Variants in GTF2E1 observed in about 807,000 individuals in gnomAD.
GTF2E1 encodes the protein general transcription factor IIE subunit 1.
Under a neutral mutation model 34.9 loss-of-function variants are expected in GTF2E1, and 14 were observed. The observed-to-expected ratio is 0.40, with a 90% CI of 0.27 to 0.63. GTF2E1 has a LOEUF of 0.63. Among genes scored for constraint, GTF2E1 ranks in the 20% least tolerant of loss-of-function variants. The probability of loss-of-function intolerance (pLI) is 0.39; values close to 1 mark genes in which losing one functional copy is unlikely to be tolerated. For synonymous variants in GTF2E1, 188 were observed against 192.9 expected (o/e 0.97, Z 0.21); for missense variants, 469 against 557.7 (o/e 0.84, Z 1.60).
In GTF2E1 at chr3:120,747,967, T is replaced by C. The variant is rs930196478; in HGVS notation, c.-30-2556T>C. ...CTAACTGGTGTGAGATGGTATCTCATTGTGGTTTTGATTTGCATTTCTCTG... is the reference window on the plus strand; with the variant it reads ...CTAACTGGTGTGAGATGGTATCTCACTGTGGTTTTGATTTGCATTTCTCTG... On this transcript the variant is annotated intron_variant, in intron 1 of 4. Transcript: ENST00000283875. 1.8e-4 allele frequency among the ~76,000 whole-genome samples: 28 copies of C among 152,176 alleles called. 1 individual carries two copies. The highest frequency in any genetic ancestry group is 1.5e-3 in the South Asian group (7 of 4,826).
At chr3:120,776,724 T>G in intron 4 of GTF2E1, 60 bp downstream of exon 4, 3 of 1,493,682 alleles carry the variant, frequency 2.0e-6, no homozygotes, top group Non-Finnish European at 2.7e-6. Flanking sequence ...TGAACTTGGC[T>G]TAGTGGGAAA....
chr3:120,776,403 C>T lies in GTF2E1; in HGVS notation c.651-20C>T. On this transcript the variant is annotated intron_variant, in intron 3 of 4. Transcript: ENST00000283875. ...CATTAATTTTTCTTCTTCCTGTACT[C>T]CTCTATTCTTTTTATATAGCAAGGA... is the stretch of plus-strand genomic sequence containing the variant. 6.2e-7 allele frequency: 1 copy of T among 1,604,430 alleles called. No individual in the cohort carries two copies. Among genetic ancestry groups the T allele is most frequent in the Non-Finnish European group, 8.5e-7 (1 of 1,176,816 alleles).
chr3:120,771,376 A>G (rs1432742557), intron 3 of GTF2E1, among the ~76,000 whole-genome samples: 1 of 152,154 alleles, frequency 6.6e-6, no homozygotes, highest in African/African-American at 2.4e-5. Flanking sequence ...CCTTGAAAGT[A>G]AAGTATAGCT....
At chr3:120,748,089 A>T (rs1265390974) in intron 1 of GTF2E1, among the ~76,000 whole-genome samples, 1 of 151,664 alleles carries the variant, frequency 6.6e-6, no homozygotes, top group East Asian at 1.9e-4. Context: ...CCACTTTTTG[A>T]TGGGGTTGTT....
intron 4 of GTF2E1, among the ~76,000 whole-genome samples, chr3:120,778,837 A>G (rs1709422645): frequency 6.6e-6 from 1 of 152,124 alleles, no homozygotes; most frequent in Non-Finnish European, 1.5e-5. Flanking sequence ...CATATCTTTC[A>G]GTATATTTTA....
intron 2 of GTF2E1, among the ~76,000 whole-genome samples, chr3:120,760,753 C>G (rs1709253162): frequency 1.3e-5 from 2 of 152,114 alleles, no homozygotes; most frequent in African/African-American, 2.4e-5. Flanking sequence ...GTTGAACCAG[C>G]CTTGCATCCC....
chr3:120,780,082 G>A (rs1374479092), intron 4 of GTF2E1, among the ~76,000 whole-genome samples: 5 of 152,150 alleles, frequency 3.3e-5, no homozygotes, highest in Non-Finnish European at 7.4e-5. Context: ...AGAGTTTTAA[G>A]TATGCTTAGT....
intron 1 of GTF2E1, 113 bp from the exon 2 acceptor site, chr3:120,750,410 G>A: frequency 1.6e-6 from 1 of 644,808 alleles, no homozygotes; most frequent in Non-Finnish European, 2.7e-6. Context: ...TAAATGCTTA[G>A]GTATTAGAAA....
intron 1 of GTF2E1, among the ~76,000 whole-genome samples, chr3:120,747,450 A>G (rs1709117008): frequency 6.6e-6 from 1 of 151,970 alleles, no homozygotes; most frequent in Admixed American, 6.6e-5. Context: ...TCCTGTGTCC[A>G]TGTGTTCTCA....
intron 3 of GTF2E1, among the ~76,000 whole-genome samples, chr3:120,771,766 CA>C (rs1709353458): frequency 6.6e-6 from 1 of 152,104 alleles, no homozygotes; most frequent in South Asian, 2.1e-4. Context: ...TGGTTCAAAG[CA>C]ATCCAATTCT....
chr3:120,742,754 C>G lies in GTF2E1; in HGVS notation c.-71C>G, dbSNP rs376608181. On this transcript the variant is annotated 5_prime_UTR_variant, in exon 1 of 5. Coordinates refer to ENST00000283875, the MANE Select transcript of GTF2E1 (RefSeq NM_005513.3). ...TTCATTTAAGCCGGTAGTTGAAGCGCTGGGGGCAGCTGTAGTGGGAGTGTT... is the reference window on the plus strand; with the variant it reads ...TTCATTTAAGCCGGTAGTTGAAGCGGTGGGGGCAGCTGTAGTGGGAGTGTT... 3.6e-6 allele frequency: 2 copies of G among 553,364 alleles called. No individual in the cohort carries two copies. Among genetic ancestry groups the G allele is most frequent in the Non-Finnish European group, 6.5e-6 (2 of 307,412 alleles). The allele number at this position is 553,364 out of a possible 1,614,324, so 34.3% of individuals were successfully genotyped here.
At chr3:120,750,094 C>T (rs557748162) in intron 1 of GTF2E1, 1 of 157,848 alleles carries the variant, frequency 6.3e-6, no homozygotes, top group Admixed American at 6.0e-5. Flanking sequence ...CTATGTAAAA[C>T]ATCCTAGAAT....
Position 120,781,298 on chromosome 3 carries a change from A to C in GTF2E1, c.1148A>C (p.Glu383Ala). ...CATAAACGAGAAGAGGATGAAGAGGAAGATGACGAGTTTGAAGAAGTAGCA... is the reference window on the plus strand; with the variant it reads ...CATAAACGAGAAGAGGATGAAGAGGCAGATGACGAGTTTGAAGAAGTAGCA... ...AVHKREEDEE[E>A]DDEFEEVADD... The change falls in exon 5 of 5, where the codon GAA (glutamate) becomes GCA (alanine). Residue 383 changes from glutamate (E) to alanine (A), a missense_variant. Physicochemically the swap from Glu to Ala is moderately radical, Grantham distance 107. Coordinates refer to ENST00000283875, the MANE Select transcript of GTF2E1 (RefSeq NM_005513.3). The C allele has an allele frequency of 6.2e-7, 1 of 1,614,136 alleles. No homozygotes were observed. Among genetic ancestry groups the C allele is most frequent in the Middle Eastern group, 1.6e-4 (1 of 6,062 alleles).
At chr3:120,753,746 C>G (rs1352516501) in intron 2 of GTF2E1, among the ~76,000 whole-genome samples, 2 of 152,196 alleles carry the variant, frequency 1.3e-5, no homozygotes, top group East Asian at 3.9e-4. Flanking sequence ...CTTCCTACTT[C>G]AGTTTACTAC....
chr3:120,775,022 G>C (rs1709386531), intron 3 of GTF2E1, among the ~76,000 whole-genome samples: 1 of 152,158 alleles, frequency 6.6e-6, no homozygotes, highest in African/African-American at 2.4e-5. Flanking sequence ...TTTACCTCCA[G>C]AGGATGGTCA....
chr3:120,754,356 A>G (rs2107606512), intron 2 of GTF2E1, among the ~76,000 whole-genome samples: 1 of 152,328 alleles, frequency 6.6e-6, no homozygotes, highest in East Asian at 1.9e-4. Context: ...ATTACCTACA[A>G]TTACAATCAT....
intron 1 of GTF2E1, among the ~76,000 whole-genome samples, chr3:120,743,600 T>C (rs185121996): frequency 6.6e-6 from 1 of 152,136 alleles, no homozygotes; most frequent in East Asian, 1.9e-4. Flanking sequence ...GAAAGAGCCA[T>C]GGAACACGTG....
At chr3:120,753,770 A>C (rs1300521271) in intron 2 of GTF2E1, among the ~76,000 whole-genome samples, 1 of 152,078 alleles carries the variant, frequency 6.6e-6, no homozygotes, top group Admixed American at 6.6e-5. Context: ...TTCCTACTCC[A>C]TCTCTACTTT....
chr3:120,747,628 T>G (rs1287609226), intron 1 of GTF2E1, among the ~76,000 whole-genome samples: 1 of 152,258 alleles, frequency 6.6e-6, no homozygotes, highest in Non-Finnish European at 1.5e-5. Context: ...TGTGCCACAT[T>G]TTTTAATCCA....
Sources: gnomAD v4.1 joint callset for allele counts (sites outside exome capture counted in the v4.1 genomes callset) on GRCh38, gnomAD v4.1.1 for gene constraint, MANE v1.5 for transcripts, NCBI Gene and HGNC (gene_info 2026-07-23, HGNC 2026-07-21) for gene names.